TIGAR: variants seen among roughly 807,000 people sequenced by gnomAD.
The protein encoded by TIGAR is TP53 induced glycolysis regulatory phosphatase.
Under a neutral mutation model 17.9 loss-of-function variants are expected in TIGAR, and 7 were observed. The observed-to-expected ratio is 0.39, with a 90% CI of 0.22 to 0.73. The LOEUF (loss-of-function observed/expected upper bound fraction) is 0.73. Among genes scored for constraint, TIGAR ranks in the 30% least tolerant of loss-of-function variants. The pLI is 0.42. For missense variants in TIGAR, 258 were observed against 327.4 expected (o/e 0.79, Z 1.64); for synonymous variants, 94 against 108.6 (o/e 0.87, Z 0.84).
Position 4,358,978 on chromosome 12 carries a change from G to A in TIGAR, c.*6287G>A, listed in dbSNP as rs1864944529. 6.6e-6 allele frequency among the ~76,000 whole-genome samples: 1 copy of A among 151,694 alleles called. No homozygotes were observed. The highest frequency in any genetic ancestry group is 6.6e-5 in the Admixed American group (1 of 15,240). ...TATTAGATTTGGATTGTATACTTTT[G>A]TCAGAAGCAGCCCAGAAAGGATGTG... On this transcript the variant is annotated 3_prime_UTR_variant, in exon 6 of 6. Transcript: ENST00000179259.
chr12:4,337,654 G>T (rs1854119110), intron 3 of TIGAR, among the ~76,000 whole-genome samples: 1 of 151,564 alleles, frequency 6.6e-6, no homozygotes, highest in African/African-American at 2.4e-5. Context: ...GAGTAGCCTA[G>T]AAAAAAAAGT....
At chr12:4,322,119 C>A (rs1411143827) in intron 1 of TIGAR, among the ~76,000 whole-genome samples, 7 of 152,190 alleles carry the variant, frequency 4.6e-5, no homozygotes, top group African/African-American at 7.2e-5. Flanking sequence ...GCTTCAGCCT[C>A]CCGAGTAGCT....
At chr12:4,322,095 C>T (rs1864487362) in intron 1 of TIGAR, among the ~76,000 whole-genome samples, 1 of 152,100 alleles carries the variant, frequency 6.6e-6, no homozygotes, top group Admixed American at 6.5e-5. Flanking sequence ...CTCCGGGGTT[C>T]AAGCGATTCT....
chr12:4,352,987 T>TA lies in TIGAR; in HGVS notation c.*296_*297insA, dbSNP rs1196207364. ...TTGAAAGTTGGGGGATTAGTAACCT[T>TA]GTTACAACGGTTTCTTTTTCATTTT... On this transcript the variant is annotated 3_prime_UTR_variant, in exon 6 of 6. Coordinates refer to ENST00000179259, the MANE Select transcript of TIGAR (RefSeq NM_020375.3). The TA allele has an allele frequency of 3.3e-5, 11 of 335,758 alleles. No individual in the cohort carries two copies. The highest frequency in any genetic ancestry group is 7.7e-5 in the South Asian group (1 of 12,962). The allele number at this position is 335,758 out of a possible 1,614,324, so 20.8% of individuals were successfully genotyped here.
intron 1 of TIGAR, among the ~76,000 whole-genome samples, chr12:4,325,837 A>T (rs1050609534): frequency 6.6e-6 from 1 of 152,118 alleles, no homozygotes; most frequent in Admixed American, 6.6e-5. Flanking sequence ...GTGTAAAGGA[A>T]TTAGGACTAA....
At position 4,358,436 on chromosome 12, in the gene TIGAR, A is replaced by G. The variant is rs1439194404; in HGVS notation, c.*5745A>G. Reference sequence around the variant, plus strand: ...AAAAGTTGCAAGAACAGTAGAAGGAATGGCTGTATACTCTTCACACTTATT... The same window carrying G: ...AAAAGTTGCAAGAACAGTAGAAGGAGTGGCTGTATACTCTTCACACTTATT... On this transcript the variant is annotated 3_prime_UTR_variant, in exon 6 of 6. Transcript: ENST00000179259. Among the ~76,000 whole-genome samples, 1 of 152,160 alleles carries G rather than the reference A, an allele frequency of 6.6e-6. No homozygotes were observed.
Position 4,353,811 on chromosome 12 carries a change from G to GGGA in TIGAR, c.*1120_*1121insGGA. 6.6e-6 allele frequency: 1 copy of GGGA among 150,852 alleles called. No individual in the cohort carries two copies. The highest frequency in any genetic ancestry group is 2.1e-4 in the East Asian group (1 of 4,750). 9.3% of individuals were successfully genotyped at this position (150,852 alleles called of 1,614,324 possible). On this transcript the variant is annotated 3_prime_UTR_variant, in exon 6 of 6. Coordinates refer to ENST00000179259, the MANE Select transcript of TIGAR (RefSeq NM_020375.3). Reference sequence around the variant, plus strand: ...ATCGCACCACTTCACTCCAGCCTAGGTGACAGAGGGGATGACAGAGGGTGC... The same window carrying GGGA: ...ATCGCACCACTTCACTCCAGCCTAGGGGATGACAGAGGGGATGACAGAGGGTGC...
chr12:4,328,146 C>A (rs966259662), intron 1 of TIGAR, among the ~76,000 whole-genome samples: 4 of 152,122 alleles, frequency 2.6e-5, no homozygotes, highest in Non-Finnish European at 5.9e-5. Flanking sequence ...GGCTAATATC[C>A]TCTTTCATGC....
rs932487600 is a variant in TIGAR, at chr12:4,354,009, G to A, written c.*1318G>A. On this transcript the variant is annotated 3_prime_UTR_variant, in exon 6 of 6. Coordinates refer to ENST00000179259, the MANE Select transcript of TIGAR (RefSeq NM_020375.3). ...TTTTATACACAAGATTGGTCTTTCA[G>A]AAATCTTTATCTAAATGAAGAAACT... 1 of 152,532 alleles carries A rather than the reference G, an allele frequency of 6.6e-6. No homozygotes were observed. The highest frequency in any genetic ancestry group is 1.5e-5 in the Non-Finnish European group (1 of 68,022). The allele number at this position is 152,532 out of a possible 1,614,324, so 9.4% of individuals were successfully genotyped here. A position where few individuals can be genotyped will look rare whatever the true frequency, so the allele number is the denominator to read the frequency against.
At chr12:4,350,840 TC>T (rs1864830885) in intron 4 of TIGAR, among the ~76,000 whole-genome samples, 1 of 152,108 alleles carries the variant, frequency 6.6e-6, no homozygotes, top group Non-Finnish European at 1.5e-5. Context: ...AAACTCAACT[TC>T]CTTATAACTA....
chr12:4,336,996 T>C (rs1018030853), intron 2 of TIGAR, 43 bp from the exon 3 acceptor site: 29 of 1,536,404 alleles, frequency 1.9e-5, no homozygotes, highest in Non-Finnish European at 2.3e-5. Context: ...ATCTCTGATA[T>C]GTAGTTTTGA....
At chr12:4,341,316 A>T (rs555382031) in intron 3 of TIGAR, among the ~76,000 whole-genome samples, 2 of 152,180 alleles carry the variant, frequency 1.3e-5, no homozygotes, top group Admixed American at 6.5e-5. Context: ...GAACAGCTCC[A>T]GTCTGCAGCT....
intron 3 of TIGAR, among the ~76,000 whole-genome samples, chr12:4,340,875 A>T (rs1422334320): frequency 1.3e-5 from 2 of 152,222 alleles, no homozygotes; most frequent in East Asian, 3.8e-4. Context: ...CTTTCTCCAT[A>T]TACAAATATC....
chr12:4,347,519 A>G (rs1366127012), intron 3 of TIGAR, among the ~76,000 whole-genome samples: 2 of 152,180 alleles, frequency 1.3e-5, no homozygotes, highest in Non-Finnish European at 2.9e-5. Flanking sequence ...TAACAATGTA[A>G]TTGTACATTT....
Position 4,355,237 on chromosome 12 carries a change from AT to A in TIGAR, c.*2556del, listed in dbSNP as rs927212264. ...TTTTATAGTATAAGGTAAGAATTTAATTTTTTTTTTCATGTGGTTGAAACAG... is the reference window on the plus strand; with the variant it reads ...TTTTATAGTATAAGGTAAGAATTTAATTTTTTTTTCATGTGGTTGAAACAG... On this transcript the variant is annotated 3_prime_UTR_variant, in exon 6 of 6. Coordinates refer to ENST00000179259, the MANE Select transcript of TIGAR (RefSeq NM_020375.3). 2.3e-4 allele frequency among the ~76,000 whole-genome samples: 35 copies of A among 150,666 alleles called. No individual in the cohort carries two copies. The highest frequency in any genetic ancestry group is 4.0e-4 in the Non-Finnish European group (27 of 67,550).
At chr12:4,346,676 G>A (rs1469897222) in intron 3 of TIGAR, among the ~76,000 whole-genome samples, 1 of 152,004 alleles carries the variant, frequency 6.6e-6, no homozygotes, top group Non-Finnish European at 1.5e-5. Flanking sequence ...AATGGATGCA[G>A]CACACCAACA....
chr12:4,340,987 T>C (rs189846029), intron 3 of TIGAR, among the ~76,000 whole-genome samples: 10 of 152,294 alleles, frequency 6.6e-5, no homozygotes, highest in African/African-American at 2.4e-4. Flanking sequence ...GGCCAGAGAT[T>C]TCTTGAGCAA....
At chr12:4,333,923 G>A (rs1004790407) in intron 2 of TIGAR, among the ~76,000 whole-genome samples, 3 of 152,130 alleles carry the variant, frequency 2.0e-5, no homozygotes, top group Non-Finnish European at 4.4e-5. Context: ...TTAACTGGCA[G>A]TAGTGACTGT....
chr12:4,345,217 C>T (rs1003310066), intron 3 of TIGAR, among the ~76,000 whole-genome samples: 36 of 152,192 alleles, frequency 2.4e-4, no homozygotes, highest in Admixed American at 1.8e-3. Context: ...CCATCCCCTT[C>T]GAGCTACCAA....
Sources: allele counts gnomAD v4.1 joint callset (sites outside exome capture counted in the v4.1 genomes callset), GRCh38; gene constraint gnomAD v4.1.1; transcripts MANE v1.5; gene names NCBI Gene and HGNC (gene_info 2026-07-23, HGNC 2026-07-21).